MAF: variants seen among roughly 807,000 people sequenced by gnomAD.
MAF encodes the protein transcription factor Maf.
Under a neutral mutation model 22.0 loss-of-function variants are expected in MAF, and 10 were observed. That is an observed-to-expected ratio of 0.45 (90% CI 0.28 to 0.77). The LOEUF (loss-of-function observed/expected upper bound fraction) is 0.77. Among genes scored for constraint, MAF ranks in the 30% least tolerant of loss-of-function variants. The pLI is 0.12. For missense variants in MAF, 544 were observed against 548.4 expected (o/e 0.99, Z 0.08); for synonymous variants, 337 against 255.8 (o/e 1.32, Z -3.03).
the MAF span, among the ~76,000 whole-genome samples, chr16:79,537,051 G>A: frequency 6.6e-6 from 1 of 152,196 alleles, no homozygotes; most frequent in Non-Finnish European, 1.5e-5. Flanking sequence ...GTGTGTATGT[G>A]TGGGTGCACA....
At chr16:79,285,185 C>A in the MAF span, among the ~76,000 whole-genome samples, 1 of 152,124 alleles carries the variant, frequency 6.6e-6, no homozygotes, top group African/African-American at 2.4e-5. Flanking sequence ...CTGCTCTCCC[C>A]AGCAGCTTTT....
At chr16:79,431,177 A>C in the MAF span, among the ~76,000 whole-genome samples, 2 of 152,128 alleles carry the variant, frequency 1.3e-5, no homozygotes, top group African/African-American at 4.8e-5. Context: ...CCCTCAACCA[A>C]GCATTTTTGT....
chr16:79,549,708 T>C, the MAF span, among the ~76,000 whole-genome samples: 1 of 152,128 alleles, frequency 6.6e-6, no homozygotes, highest in Non-Finnish European at 1.5e-5. Flanking sequence ...TCTTGCAGCA[T>C]CTAAAAAAGC....
At chr16:79,538,242 A>C in the MAF span, among the ~76,000 whole-genome samples, 4 of 152,232 alleles carry the variant, frequency 2.6e-5, no homozygotes, top group African/African-American at 9.6e-5. Flanking sequence ...ATGAAGTAAA[A>C]TAGCCCTGAA....
the MAF span, among the ~76,000 whole-genome samples, chr16:79,248,505 T>G: frequency 6.6e-6 from 1 of 152,212 alleles, no homozygotes; most frequent in Non-Finnish European, 1.5e-5. Flanking sequence ...CACAGGAATT[T>G]AATTCCCTCT....
chr16:79,438,931 C>T, the MAF span, among the ~76,000 whole-genome samples: 1 of 152,168 alleles, frequency 6.6e-6, no homozygotes, highest in Admixed American at 6.5e-5. Flanking sequence ...TTATTGTCCT[C>T]ATCATGTGAG....
the MAF span, among the ~76,000 whole-genome samples, chr16:79,254,099 A>G: frequency 6.6e-5 from 10 of 151,984 alleles, no homozygotes; most frequent in Non-Finnish European, 1.2e-4. Flanking sequence ...CGTCATGCAC[A>G]TTTACATTGT....
the MAF span, among the ~76,000 whole-genome samples, chr16:79,257,463 A>G: frequency 1.3e-5 from 2 of 152,216 alleles, no homozygotes; most frequent in East Asian, 1.9e-4. Context: ...AGATGCATAC[A>G]GAAAAGGCCA....
the MAF span, among the ~76,000 whole-genome samples, chr16:79,241,917 C>G: frequency 1.3e-5 from 2 of 152,088 alleles, no homozygotes; most frequent in African/African-American, 4.8e-5. Flanking sequence ...GAATTTTCAA[C>G]CCAGAATTTC....
the MAF span, among the ~76,000 whole-genome samples, chr16:79,495,927 TAAC>T: frequency 6.6e-6 from 1 of 152,176 alleles, no homozygotes; most frequent in Non-Finnish European, 1.5e-5. Flanking sequence ...GTGATGGAGA[TAAC>T]ACACACACAA....
the MAF span, among the ~76,000 whole-genome samples, chr16:79,443,077 A>G: frequency 5.3e-5 from 8 of 152,222 alleles, no homozygotes; most frequent in African/African-American, 1.9e-4. Context: ...TAACAAGTGT[A>G]AGATCATTCT....
At chr16:79,456,935 TACACACAC>T in the MAF span, among the ~76,000 whole-genome samples, 6 of 150,136 alleles carry the variant, frequency 4.0e-5, no homozygotes, top group Non-Finnish European at 8.9e-5. Context: ...GCCATGTTTT[TACACACAC>T]ACACACACAC....
At chr16:79,497,241 T>G in the MAF span, among the ~76,000 whole-genome samples, 1 of 152,138 alleles carries the variant, frequency 6.6e-6, no homozygotes, top group African/African-American at 2.4e-5. Context: ...AAACAAGCAA[T>G]AATACAGAAG....
the MAF span, among the ~76,000 whole-genome samples, chr16:79,222,958 G>C: frequency 2.0e-5 from 3 of 151,960 alleles, no homozygotes; most frequent in Non-Finnish European, 4.4e-5. Context: ...TAGACATATC[G>C]ACGAGACAGA....
At chr16:79,566,169 A>G in the MAF span, among the ~76,000 whole-genome samples, 1 of 152,214 alleles carries the variant, frequency 6.6e-6, no homozygotes, top group Non-Finnish European at 1.5e-5. Context: ...TTTTAAAGAA[A>G]TGTACATATC....
the MAF span, among the ~76,000 whole-genome samples, chr16:79,342,622 CACCACCACT>C: frequency 6.6e-6 from 1 of 151,484 alleles, no homozygotes; most frequent in Non-Finnish European, 1.5e-5. Flanking sequence ...CCATCACCAT[CACCACCACT>C]GTCACCATTA....
chr16:79,381,872 T>C, the MAF span, among the ~76,000 whole-genome samples: 4 of 152,168 alleles, frequency 2.6e-5, no homozygotes, highest in Admixed American at 6.5e-5. Context: ...GAACTCAACC[T>C]GCGCCTTGAA....
chr16:79,209,538 G>GGTTCAA, the MAF span, among the ~76,000 whole-genome samples: 1 of 152,076 alleles, frequency 6.6e-6, no homozygotes, highest in African/African-American at 2.4e-5. Context: ...ACTTGAAATG[G>GGTTCAA]GTGAGCTGGA....
chr16:79,440,608 G>A, the MAF span, among the ~76,000 whole-genome samples: 1 of 152,074 alleles, frequency 6.6e-6, no homozygotes, highest in African/African-American at 2.4e-5. Flanking sequence ...GCTAGTTTTT[G>A]TATTTTTAGT....
Sources: allele counts gnomAD v4.1 joint callset (sites outside exome capture counted in the v4.1 genomes callset), GRCh38; gene constraint gnomAD v4.1.1; transcripts MANE v1.5; gene names NCBI Gene and HGNC (gene_info 2026-07-23, HGNC 2026-07-21).